The following OCA2 variants were observed in gnomAD, a reference collection of about 807,000 sequenced individuals.
OCA2 encodes P protein.
In OCA2, 77 loss-of-function variants were observed where a neutral mutation model predicts 100.2. The ratio of observed to expected loss-of-function variants is 0.77; its 90% CI spans 0.64 to 0.93. The LOEUF is 0.93. Ranked by LOEUF, OCA2 falls within the 40% of genes least tolerant of loss-of-function variation. The pLI, the probability that OCA2 is intolerant of heterozygous loss-of-function variation, is 0.00. For missense variants in OCA2, 1,062 were observed against 1,089.1 expected (o/e 0.98, Z 0.35); for synonymous variants, 432 against 439.2 (o/e 0.98, Z 0.21).
At chr15:27,917,771 T>G (rs2140311616) in intron 19 of OCA2, among the ~76,000 whole-genome samples, 1 of 152,242 alleles carries the variant, frequency 6.6e-6, no homozygotes, top group East Asian at 1.9e-4. Context: ...GGCCTTAAAA[T>G]GGCTCCTAAT....
chr15:27,965,504 A>C (rs1322467927), intron 15 of OCA2, among the ~76,000 whole-genome samples: 1 of 152,198 alleles, frequency 6.6e-6, no homozygotes, highest in African/African-American at 2.4e-5. Flanking sequence ...AAAGTCACAC[A>C]GATCTGTCTT....
At chr15:28,085,260 C>T (rs1251184780) in intron 1 of OCA2, among the ~76,000 whole-genome samples, 14 of 152,202 alleles carry the variant, frequency 9.2e-5, no homozygotes, top group Admixed American at 9.2e-4. Flanking sequence ...CCCCACACAC[C>T]CTTCCCCCTT....
At chr15:28,031,960 G>T in intron 3 of OCA2, 105 bp downstream of exon 3, 1 of 834,034 alleles carries the variant, frequency 1.2e-6, no homozygotes, top group Non-Finnish European at 2.1e-6. Context: ...ATCTGGCAGA[G>T]GTTAAACATG....
At chr15:28,021,062 A>C (rs762066596) in intron 6 of OCA2, among the ~76,000 whole-genome samples, 11 of 152,262 alleles carry the variant, frequency 7.2e-5, no homozygotes, top group Non-Finnish European at 1.5e-4. Flanking sequence ...GAGGCTATCA[A>C]GTAAGTAGAC....
At chr15:27,947,688 C>T (rs1244978399) in intron 18 of OCA2, among the ~76,000 whole-genome samples, 1 of 152,210 alleles carries the variant, frequency 6.6e-6, no homozygotes, top group African/African-American at 2.4e-5. Flanking sequence ...GGGCCATGCG[C>T]ACCAGCCAGT....
intron 6 of OCA2, 113 bp downstream of exon 6, chr15:28,022,388 T>TG (rs200146063): frequency 5.8e-6 from 4 of 692,890 alleles, no homozygotes; most frequent in Non-Finnish European, 9.6e-6. Context: ...AAAATTCGAG[T>TG]GGTAATGGCC....
rs566062373 is a variant in OCA2, at chr15:28,043,603, T to A, written c.228-11440A>T. Among the ~76,000 whole-genome samples the A allele has an allele frequency of 7.2e-5, 11 of 152,080 alleles. No homozygotes were observed. The highest frequency in any genetic ancestry group is 1.6e-4 in the Non-Finnish European group (11 of 68,024). On this transcript the variant is annotated intron_variant, in intron 2 of 23. Coordinates refer to ENST00000354638, the MANE Select transcript of OCA2 (RefSeq NM_000275.3). This position sits in a 1 kb window ranked among gnomAD's most constrained non-coding sequence, Gnocchi z 4.4. ...ACTCCTGTTTAGAGAACCACTGCCA[T>A]GTAATTAAGCAAGTTTTCAAATCTC...
At chr15:27,870,098 C>G (rs576799740) in intron 21 of OCA2, among the ~76,000 whole-genome samples, 2 of 152,206 alleles carry the variant, frequency 1.3e-5, no homozygotes, top group Non-Finnish European at 2.9e-5. Context: ...CTAAGGTCGG[C>G]GCTGCATGAG....
intron 9 of OCA2, among the ~76,000 whole-genome samples, chr15:28,007,468 C>T (rs939239157): frequency 9.9e-5 from 15 of 151,796 alleles, no homozygotes; most frequent in South Asian, 2.1e-4. Context: ...TGGTGGCTCA[C>T]GCCTGTAATC....
At chr15:27,929,825 A>AAATTTT (rs71132826) in intron 18 of OCA2, among the ~76,000 whole-genome samples, 16 of 149,154 alleles carry the variant, frequency 1.1e-4, no homozygotes, top group South Asian at 4.3e-4. Flanking sequence ...CAAATGGGAA[A>AAATTTT]TATTTTAAAC....
At chr15:27,793,785 T>G (rs2033196226) in intron 23 of OCA2, among the ~76,000 whole-genome samples, 2 of 152,248 alleles carry the variant, frequency 1.3e-5, no homozygotes, top group Admixed American at 1.3e-4. Context: ...CTGCAGTTCT[T>G]CTTCCTCACC....
At chr15:28,067,892 T>A (rs1353789337) in intron 2 of OCA2, among the ~76,000 whole-genome samples, 4 of 152,158 alleles carry the variant, frequency 2.6e-5, no homozygotes, top group African/African-American at 7.2e-5. Context: ...TTTTGGTTAG[T>A]TTTTTGACTT....
chr15:27,921,468 T>A (rs1361602703), intron 19 of OCA2, among the ~76,000 whole-genome samples: 1 of 152,146 alleles, frequency 6.6e-6, no homozygotes, highest in Non-Finnish European at 1.5e-5. Context: ...CAGGCTGACA[T>A]CATGTGGCAA....
chr15:27,754,218 C>G (rs147614222), downstream of OCA2, among the ~76,000 whole-genome samples: 975 of 152,302 alleles, frequency 6.4e-3, 30 homozygotes, highest in Admixed American at 0.049. Context: ...TATAAACACT[C>G]CCAACCTTTC....
At chr15:27,719,327 T>C in the OCA2 span, among the ~76,000 whole-genome samples, 1 of 152,246 alleles carries the variant, frequency 6.6e-6, no homozygotes. Context: ...CTCTCTCTCT[T>C]CCTAAAAGGA....
chr15:27,748,272 G>A, the OCA2 span, among the ~76,000 whole-genome samples: 7 of 152,250 alleles, frequency 4.6e-5, no homozygotes, highest in Admixed American at 4.6e-4. Flanking sequence ...CAAACTACCT[G>A]GGCTGGGAAA....
intron 17 of OCA2, among the ~76,000 whole-genome samples, chr15:27,952,314 A>G (rs180872085): frequency 4.0e-4 from 61 of 152,340 alleles, no homozygotes; most frequent in African/African-American, 1.5e-3. Flanking sequence ...GACATGCATG[A>G]GGCCCCTGGA....
chr15:27,955,976 C>A (rs1310506149), intron 16 of OCA2, among the ~76,000 whole-genome samples: 1 of 152,308 alleles, frequency 6.6e-6, no homozygotes, highest in African/African-American at 2.4e-5. Flanking sequence ...GCTGACCACA[C>A]AGGCAGTCTG....
chr15:27,990,547 A>G (rs763792973), intron 10 of OCA2, 29 bp downstream of exon 10: 2 of 1,607,256 alleles, frequency 1.2e-6, no homozygotes, highest in East Asian at 2.2e-5. Flanking sequence ...CTGAGTGGTA[A>G]GCCAGGGATT....
Sources: allele counts gnomAD v4.1 joint callset (sites outside exome capture counted in the v4.1 genomes callset), GRCh38; gene constraint gnomAD v4.1.1; non-coding constraint Gnocchi (gnomAD v3.1); transcripts MANE v1.5; gene names NCBI Gene and HGNC (gene_info 2026-07-23, HGNC 2026-07-21).